The following LRRK1 variants were observed in gnomAD, a reference collection of about 807,000 sequenced individuals.
LRRK1 encodes the protein leucine-rich repeat serine/threonine-protein kinase 1.
Under a neutral mutation model 209.1 loss-of-function variants are expected in LRRK1, and 113 were observed. The ratio of observed to expected loss-of-function variants is 0.54; its 90% CI spans 0.46 to 0.63. LRRK1 has a LOEUF of 0.63. LRRK1 is among the 30% of genes least tolerant of loss of function. LRRK1 has a pLI of 0.00. For missense variants in LRRK1, 2,284 were observed against 2,632.2 expected (o/e 0.87, Z 2.89); for synonymous variants, 1,144 against 1,099.7 (o/e 1.04, Z -0.80).
intron 3 of LRRK1, among the ~76,000 whole-genome samples, chr15:100,979,754 GA>G (rs2031497212): frequency 6.6e-6 from 1 of 152,084 alleles, no homozygotes; most frequent in Admixed American, 6.5e-5. Flanking sequence ...AATCCAAATA[GA>G]AAATGTATGA....
chr15:101,067,119 AG>A (rs2036574990), intron 33 of LRRK1: 1 of 378,218 alleles, frequency 2.6e-6, no homozygotes, highest in Non-Finnish European at 5.3e-6. Context: ...CAGCCCACAC[AG>A]CACCCTATGG....
rs763381102 is a variant in LRRK1 at position 101,065,739 on chromosome 15, A to G, written c.5302A>G (p.Thr1768Ala). ...ANSLVMYHSTTYQLCARYFCG... is the reference protein window; with the variant it reads ...ANSLVMYHSTAYQLCARYFCG... ...CTCCTTGGTGATGTACCACTCCACCACCTACCAGCTGTGTGCCCGGTACTT... is the reference window on the plus strand; with the variant it reads ...CTCCTTGGTGATGTACCACTCCACCGCCTACCAGCTGTGTGCCCGGTACTT... The change falls in exon 32 of 34, where the codon ACC becomes GCC. Residue 1768 changes from threonine to alanine, a missense_variant. By Grantham distance (58) the Thr-to-Ala change is moderately conservative. Around this residue, in one of 6 missense-constraint regions of LRRK1, gnomAD observed 643 missense variants for 695.9 expected, o/e 0.92. Transcript: ENST00000388948. The G allele has an allele frequency of 6.2e-7, 1 of 1,614,068 alleles. No homozygotes were observed. Among genetic ancestry groups the G allele is most frequent in the Non-Finnish European group, 8.5e-7 (1 of 1,180,004 alleles).
intron 2 of LRRK1, among the ~76,000 whole-genome samples, chr15:100,950,949 A>C (rs1383708341): frequency 6.6e-6 from 1 of 152,154 alleles, no homozygotes; most frequent in Non-Finnish European, 1.5e-5. Context: ...TAAAAATACA[A>C]AAAATTAGCC....
Position 100,973,893 on chromosome 15 carries a change from A to G in LRRK1, c.187A>G (p.Arg63Gly). The change falls in exon 3 of 34, where the codon AGG becomes GGG. Residue 63 changes from arginine (R) to glycine (G), a missense_variant. This residue lies in a region of LRRK1 where 174 missense variants were observed against 133.5 expected (regional missense o/e 1.30). Coordinates refer to ENST00000388948, the MANE Select transcript of LRRK1 (RefSeq NM_024652.6). ...RRTEGIRAAY[R>G]RGDRGGARDL... Reference sequence around the variant, plus strand: ...GACGGAAGGCATCCGCGCCGCGTACAGGCGGGGAGACCGCGGCGGCGCCCG... The same window carrying G: ...GACGGAAGGCATCCGCGCCGCGTACGGGCGGGGAGACCGCGGCGGCGCCCG... The G allele has an allele frequency of 7.9e-7, 1 of 1,271,630 alleles. No homozygotes were observed. Among genetic ancestry groups the G allele is most frequent in the African/African-American group, 1.5e-5 (1 of 64,714 alleles). The allele number at this position is 1,271,630 out of a possible 1,614,324, so 78.8% of individuals were successfully genotyped here.
intron 2 of LRRK1, among the ~76,000 whole-genome samples, chr15:100,954,403 C>T (rs1294883226): frequency 6.6e-6 from 1 of 152,148 alleles, no homozygotes; most frequent in African/African-American, 2.4e-5. Context: ...TGAATATTAA[C>T]CCCTTATCAG....
intron 6 of LRRK1, among the ~76,000 whole-genome samples, chr15:100,990,744 G>T (rs2032119514): frequency 6.8e-6 from 1 of 146,300 alleles, no homozygotes. Flanking sequence ...GAACATTAGA[G>T]ATTTTTAAGA....
intron 2 of LRRK1, among the ~76,000 whole-genome samples, chr15:100,931,947 C>T (rs2042220190): frequency 6.6e-6 from 1 of 152,190 alleles, no homozygotes; most frequent in East Asian, 1.9e-4. Context: ...TCCATCATGC[C>T]CATGGGTAAT....
At chr15:101,004,428 C>A (rs1410896295) in intron 6 of LRRK1, among the ~76,000 whole-genome samples, 1 of 152,014 alleles carries the variant, frequency 6.6e-6, no homozygotes, top group Admixed American at 6.5e-5. Context: ...GGATAGCTTG[C>A]AGGTCTTGGT....
Position 101,024,718 on chromosome 15 carries a change from C to T in LRRK1, c.2068-85C>T. The T allele has an allele frequency of 2.1e-6, 3 of 1,435,456 alleles. No homozygotes were observed. The highest frequency in any genetic ancestry group is 2.3e-5 in the East Asian group (1 of 43,572). The allele number at this position is 1,435,456 out of a possible 1,614,324, so 88.9% of individuals were successfully genotyped here. A position where few individuals can be genotyped will look rare whatever the true frequency, so the allele number is the denominator to read the frequency against. On this transcript the variant is annotated intron_variant, in intron 15 of 33. Coordinates refer to ENST00000388948, the MANE Select transcript of LRRK1 (RefSeq NM_024652.6). This position sits in a 1 kb window ranked among gnomAD's most constrained non-coding sequence, Gnocchi z 4.6. ...TTTTTCAGACCCCCGAGTCCAGCCT[C>T]CAGAGTTATCCGTTGTCTCCGTTTG...
At chr15:101,020,509 G>T (rs1214046503) in intron 12 of LRRK1, among the ~76,000 whole-genome samples, 1 of 151,620 alleles carries the variant, frequency 6.6e-6, no homozygotes, top group Non-Finnish European at 1.5e-5. Flanking sequence ...CCGAGTAGCT[G>T]GGATTACAGG....
In LRRK1 at chr15:101,027,754, G is replaced by A; in HGVS notation, c.2643G>A (p.Gln881=). 6.2e-7 allele frequency: 1 copy of A among 1,604,534 alleles called. No homozygotes were observed. The highest frequency in any genetic ancestry group is 8.5e-7 in the Non-Finnish European group (1 of 1,175,878). Residue 881 remains glutamine, a synonymous_variant, in exon 19 of 34, where the codon CAG becomes CAA. Coordinates refer to ENST00000388948, the MANE Select transcript of LRRK1 (RefSeq NM_024652.6). The surrounding 1 kb of genome is among the most constrained non-coding windows in gnomAD (Gnocchi z 5.1). ...TDRQLEQLVE[Q]TPDNDIKDYE... is the part of the protein sequence containing the mutation. Reference sequence around the variant, plus strand: ...GGCAGCTGGAGCAGCTGGTGGAGCAGACGCCCGACAACGACATCAAGGACT... The same window carrying A: ...GGCAGCTGGAGCAGCTGGTGGAGCAAACGCCCGACAACGACATCAAGGACT...
At chr15:100,997,913 C>T (rs2032492708) in intron 6 of LRRK1, among the ~76,000 whole-genome samples, 1 of 152,178 alleles carries the variant, frequency 6.6e-6, no homozygotes, top group South Asian at 2.1e-4. Flanking sequence ...GGTGCGGTGG[C>T]TCACGCCTAT....
At position 101,046,081 on chromosome 15, in the gene LRRK1, T is replaced by C. The variant is rs2035060418; in HGVS notation, c.3064T>C (p.Phe1022Leu). 1 of 1,614,112 alleles carries C rather than the reference T, an allele frequency of 6.2e-7. No individual in the cohort carries two copies. Among genetic ancestry groups the C allele is most frequent in the Non-Finnish European group, 8.5e-7 (1 of 1,180,052 alleles). Residue 1022 changes from phenylalanine (F) to leucine (L), a missense_variant, in exon 21 of 34, where the codon TTC becomes CTC. Transcript: ENST00000388948. ...NTIQRVFKMS[F>L]VPVGFWQRFI... The stretch of plus-strand genomic sequence containing the variant: ...CATTCAGAGGGTATTTAAGATGAGC[T>C]TCGTTCCCGTTGGCTTCTGGCAAAG...
At chr15:100,998,783 G>A (rs996163579) in intron 6 of LRRK1, among the ~76,000 whole-genome samples, 4 of 152,034 alleles carry the variant, frequency 2.6e-5, no homozygotes, top group Non-Finnish European at 5.9e-5. Context: ...TAGACAGGTG[G>A]GTTGATGGTT....
At position 101,069,647 on chromosome 15, in the gene LRRK1, C is replaced by T. The variant is rs2036712860; in HGVS notation, c.*799C>T. 6.6e-6 allele frequency: 1 copy of T among 152,626 alleles called. No homozygotes were observed. The highest frequency in any genetic ancestry group is 1.5e-5 in the Non-Finnish European group (1 of 68,048). 9.5% of individuals were successfully genotyped at this position (152,626 alleles called of 1,614,324 possible). Reference sequence around the variant, plus strand: ...CAAGTAAATTTGGACGCAGCTGGAGCACAGGCCCTGTTTGTTTGCACATAA... The same window carrying T: ...CAAGTAAATTTGGACGCAGCTGGAGTACAGGCCCTGTTTGTTTGCACATAA... On this transcript the variant is annotated 3_prime_UTR_variant, in exon 34 of 34. Coordinates refer to ENST00000388948, the MANE Select transcript of LRRK1 (RefSeq NM_024652.6).
chr15:100,977,713 A>G (rs187751171), intron 3 of LRRK1, among the ~76,000 whole-genome samples: 263 of 152,348 alleles, frequency 1.7e-3, no homozygotes, highest in Non-Finnish European at 2.9e-3. Context: ...ATGAAGGGGC[A>G]TCCCTGTTTA....
intron 3 of LRRK1, 67 bp downstream of exon 3, chr15:100,974,034 T>C (rs2141653941): frequency 8.3e-7 from 1 of 1,197,946 alleles, no homozygotes; most frequent in East Asian, 3.2e-5. Flanking sequence ...ACCGCTCAGA[T>C]GATTTTCTCG....
At position 100,992,464 on chromosome 15, in the gene LRRK1, A is replaced by T. The variant is rs138935956; in HGVS notation, c.762+3066A>T. On this transcript the variant is annotated intron_variant, in intron 6 of 33. Transcript: ENST00000388948. Reference sequence around the variant, plus strand: ...TATCTATACTTATATTACTCTTTTCATTTATGCTGTTGAACAGTTTTACTT... The same window carrying T: ...TATCTATACTTATATTACTCTTTTCTTTTATGCTGTTGAACAGTTTTACTT... 2.2e-3 allele frequency among the ~76,000 whole-genome samples: 339 copies of T among 152,064 alleles called. 2 individuals carry two copies. Among genetic ancestry groups the T allele is most frequent in the East Asian group, 4.0e-3 (21 of 5,190 alleles).
At chr15:101,026,370 G>T (rs560690906) in intron 17 of LRRK1, among the ~76,000 whole-genome samples, 30 of 152,216 alleles carry the variant, frequency 2.0e-4, no homozygotes, top group African/African-American at 7.0e-4. Context: ...CCCCATCCCC[G>T]CCCCAAGGGC....
Sources: allele counts gnomAD v4.1 joint callset (sites outside exome capture counted in the v4.1 genomes callset), GRCh38; gene constraint gnomAD v4.1.1; regional missense constraint gnomAD v4.1.1; non-coding constraint Gnocchi (gnomAD v3.1); transcripts MANE v1.5; gene names NCBI Gene and HGNC (gene_info 2026-07-23, HGNC 2026-07-21).